The following NSUN7 variants were observed in gnomAD, a reference collection of about 807,000 sequenced individuals.
NSUN7 encodes the protein NOP2/Sun RNA methyltransferase family member 7, also known as protein NSUN7.
A neutral mutation model predicts 58.5 loss-of-function variants in NSUN7; 39 were observed. The ratio of observed to expected loss-of-function variants is 0.67; its 90% CI spans 0.52 to 0.87. NSUN7 has a LOEUF of 0.87. Ranked by LOEUF, NSUN7 falls within the 40% of genes least tolerant of loss-of-function variation. NSUN7 has a pLI of 0.00. For synonymous variants in NSUN7, 278 were observed against 303.7 expected (o/e 0.92, Z 0.88); for missense variants, 765 against 844.1 (o/e 0.91, Z 1.16).
At chr4:40,773,606 C>A (rs1278072100) in intron 4 of NSUN7, among the ~76,000 whole-genome samples, 4 of 151,686 alleles carry the variant, frequency 2.6e-5, no homozygotes, top group African/African-American at 9.7e-5. Context: ...TTGCTTGAAC[C>A]CACAGGGCAG....
At chr4:40,779,203 T>C (rs1742409980) in intron 7 of NSUN7, among the ~76,000 whole-genome samples, 1 of 152,088 alleles carries the variant, frequency 6.6e-6, no homozygotes, top group African/African-American at 2.4e-5. Context: ...GCAGCTGTAG[T>C]CCTAGCTACT....
chr4:40,754,350 G>A (rs1005892271), intron 2 of NSUN7, among the ~76,000 whole-genome samples: 5 of 152,052 alleles, frequency 3.3e-5, no homozygotes, highest in African/African-American at 1.2e-4. Flanking sequence ...GTTTCACCAT[G>A]TTGGCCAGGC....
At chr4:40,759,285 G>A (rs115455721) in intron 2 of NSUN7, among the ~76,000 whole-genome samples, 3,778 of 152,074 alleles carry the variant, frequency 0.025, 82 homozygotes, top group South Asian at 0.034. Flanking sequence ...CACTCCGGCC[G>A]GTGTGATAGA....
At chr4:40,768,937 A>G (rs1228863161) in intron 4 of NSUN7, among the ~76,000 whole-genome samples, 4 of 152,198 alleles carry the variant, frequency 2.6e-5, no homozygotes, top group Non-Finnish European at 4.4e-5. Context: ...AGGAGGGGAA[A>G]GACTTAGTCA....
At chr4:40,792,386 A>G (rs1398510094) in intron 8 of NSUN7, among the ~76,000 whole-genome samples, 1 of 152,216 alleles carries the variant, frequency 6.6e-6, no homozygotes, top group Non-Finnish European at 1.5e-5. Context: ...AAGTGGGGAA[A>G]GGAAAACATT....
At chr4:40,767,607 T>A (rs1741797013) in intron 4 of NSUN7, among the ~76,000 whole-genome samples, 2 of 152,196 alleles carry the variant, frequency 1.3e-5, no homozygotes. Context: ...GTCCGCTTGG[T>A]GCAGAGCTGT....
intron 7 of NSUN7, among the ~76,000 whole-genome samples, chr4:40,783,041 T>G (rs551042488): frequency 5.9e-5 from 9 of 152,238 alleles, no homozygotes; most frequent in Admixed American, 2.6e-4. Flanking sequence ...ACATGGAAAT[T>G]TAAGGAACCC....
rs1744244144 is a variant in NSUN7, at chr4:40,810,691, A to C, written c.*1752A>C. 1 of 151,656 alleles carries C rather than the reference A, an allele frequency of 6.6e-6. No individual in the cohort carries two copies. Among genetic ancestry groups the C allele is most frequent in the Admixed American group, 6.6e-5 (1 of 15,196 alleles). 9.4% of individuals were successfully genotyped at this position (151,656 alleles called of 1,614,324 possible). On this transcript the variant is annotated 3_prime_UTR_variant, in exon 12 of 12. Coordinates refer to ENST00000381782, the MANE Select transcript of NSUN7 (RefSeq NM_024677.6). ...CTGAAGAAGAATTCTTCATGTTATC[A>C]CTCTTGTACAGAAAGATATAAAGTG...
chr4:40,753,280 CT>C (rs771038149), intron 2 of NSUN7, among the ~76,000 whole-genome samples: 4,893 of 138,842 alleles, frequency 0.035, 191 homozygotes, highest in African/African-American at 0.1. Flanking sequence ...TTTTATCTTT[CT>C]TTTTTTTTTT....
At chr4:40,780,805 ATATATATATTTTTTT>A (rs1742514591) in intron 7 of NSUN7, among the ~76,000 whole-genome samples, 1 of 98,732 alleles carries the variant, frequency 1.0e-5, no homozygotes, top group African/African-American at 3.9e-5. Context: ...ATATATATAT[ATATATATATTTTTTT>A]TTTTTTTTTT....
At chr4:40,801,749 A>C (rs1743589620) in intron 10 of NSUN7, among the ~76,000 whole-genome samples, 1 of 151,842 alleles carries the variant, frequency 6.6e-6, no homozygotes, top group Non-Finnish European at 1.5e-5. Context: ...AAATACAAAA[A>C]TTAGCCACGT....
At chr4:40,772,873 G>A (rs560027536) in intron 4 of NSUN7, among the ~76,000 whole-genome samples, 4 of 152,212 alleles carry the variant, frequency 2.6e-5, no homozygotes, top group African/African-American at 9.6e-5. Flanking sequence ...TCTCACTCAA[G>A]GTTATACTTG....
intron 11 of NSUN7, among the ~76,000 whole-genome samples, chr4:40,807,521 T>C (rs1002224594): frequency 1.3e-5 from 2 of 152,074 alleles, no homozygotes; most frequent in Non-Finnish European, 2.9e-5. Context: ...GGCTAATTTT[T>C]TTATTTTTAG....
In NSUN7 at chr4:40,790,869, G is replaced by A. The variant is rs1743047555; in HGVS notation, c.1180+124G>A. On this transcript the variant is annotated intron_variant, in intron 8 of 11. Coordinates refer to ENST00000381782, the MANE Select transcript of NSUN7 (RefSeq NM_024677.6). The stretch of plus-strand genomic sequence containing the variant: ...ATAAATAATAGCAACCACATATAAA[G>A]TACTTACTATGTATAAAGTCCTTTA... 6.9e-6 allele frequency: 5 copies of A among 720,702 alleles called. No individual in the cohort carries two copies. In the South Asian group the frequency reaches 1.1e-4, roughly 16 times the overall value. 44.6% of individuals were successfully genotyped at this position (720,702 alleles called of 1,614,324 possible).
In NSUN7 at chr4:40,801,061, AAGGGAGGG is replaced by A. The variant is rs902727494; in HGVS notation, c.1400+2173_1400+2180del. Among the ~76,000 whole-genome samples the A allele has an allele frequency of 5.7e-5, 8 of 139,140 alleles. No homozygotes were observed. The East Asian group carries it at 7.2e-4, about 13-fold the overall frequency. The allele number at this position is 139,140 out of a possible 152,430, so 91.3% of individuals were successfully genotyped here. A position where few individuals can be genotyped will look rare whatever the true frequency, so the allele number is the denominator to read the frequency against. On this transcript the variant is annotated intron_variant, in intron 10 of 11. Coordinates refer to ENST00000381782, the MANE Select transcript of NSUN7 (RefSeq NM_024677.6). The stretch of plus-strand genomic sequence containing the variant: ...GAAGGGAGAAAGGGAGGGAGGAAAG[AAGGGAGGG>A]AGGGAGGGAGGGAGGAAGGTTTGCT...
intron 2 of NSUN7, among the ~76,000 whole-genome samples, chr4:40,752,156 A>G (rs1213508362): frequency 1.3e-5 from 2 of 152,264 alleles, no homozygotes; most frequent in Non-Finnish European, 2.9e-5. Flanking sequence ...TTAGAATATT[A>G]GCAGCATGGC....
chr4:40,791,945 G>A (rs1038106726), intron 8 of NSUN7, among the ~76,000 whole-genome samples: 1 of 152,214 alleles, frequency 6.6e-6, no homozygotes, highest in African/African-American at 2.4e-5. Context: ...AAGTAGGGAA[G>A]CTGGGATTCA....
At chr4:40,789,628 C>T (rs1742988545) in intron 7 of NSUN7, among the ~76,000 whole-genome samples, 1 of 152,140 alleles carries the variant, frequency 6.6e-6, no homozygotes, top group Non-Finnish European at 1.5e-5. Context: ...GAATGGTTCA[C>T]TGTTGAAACT....
Position 40,801,758 on chromosome 4 carries a change from G to A in NSUN7, c.1400+2854G>A, listed in dbSNP as rs2437304. Among the ~76,000 whole-genome samples, 1,141 of 150,964 alleles carry A rather than the reference G, an allele frequency of 7.6e-3. 9 individuals carry two copies. Among genetic ancestry groups the A allele is most frequent in the African/African-American group, 0.026 (1,070 of 40,622 alleles). On this transcript the variant is annotated intron_variant, in intron 10 of 11. Transcript: ENST00000381782. ...ACAAAAAAATACAAAAATTAGCCAC[G>A]TGTGGTGGTGGTGTACTCCTGTAGT... is the stretch of plus-strand genomic sequence containing the variant.
Sources: allele counts gnomAD v4.1 joint callset (sites outside exome capture counted in the v4.1 genomes callset), GRCh38; gene constraint gnomAD v4.1.1; transcripts MANE v1.5; gene names NCBI Gene and HGNC (gene_info 2026-07-23, HGNC 2026-07-21).